Variants in KALRN observed in about 807,000 individuals in gnomAD.
KALRN encodes the protein kalirin RhoGEF kinase, also known as kalirin.
Under a neutral mutation model 353.7 loss-of-function variants are expected in KALRN, and 70 were observed. That is an observed-to-expected ratio of 0.20 (90% CI 0.16 to 0.24). The LOEUF is 0.24. Among genes scored for constraint, KALRN ranks in the 10% least tolerant of loss-of-function variants. The pLI, the probability that KALRN is intolerant of heterozygous loss-of-function variation, is 1.00. For synonymous variants in KALRN, 1,391 were observed against 1,434.8 expected (o/e 0.97, Z 0.69); for missense variants, 2,791 against 3,756.7 (o/e 0.74, Z 6.72).
At chr3:124,175,422 C>T (rs1316272315) in intron 1 of KALRN, among the ~76,000 whole-genome samples, 2 of 149,636 alleles carry the variant, frequency 1.3e-5, no homozygotes, top group African/African-American at 5.0e-5. Flanking sequence ...CGGAGATGCG[C>T]GCTGCCGAGG....
At chr3:124,496,226 C>A in intron 32 of KALRN, 85 bp from the exon 33 acceptor site, 1 of 972,586 alleles carries the variant, frequency 1.0e-6, no homozygotes. Flanking sequence ...CTGCTCTGCC[C>A]ACCCAACCGG....
chr3:124,215,266 A>G (rs539200961), intron 1 of KALRN, among the ~76,000 whole-genome samples: 2 of 152,144 alleles, frequency 1.3e-5, no homozygotes, highest in East Asian at 1.9e-4. Context: ...TAGTTGTAGT[A>G]CTCGCCGAAT....
intron 1 of KALRN, among the ~76,000 whole-genome samples, chr3:124,120,453 T>C (rs1001110124): frequency 6.6e-6 from 1 of 152,150 alleles, no homozygotes; most frequent in Non-Finnish European, 1.5e-5. Flanking sequence ...GCGAGCATGT[T>C]GAGGGGACTG....
At chr3:124,536,876 G>A (rs1291544353) in intron 33 of KALRN, among the ~76,000 whole-genome samples, 1 of 152,100 alleles carries the variant, frequency 6.6e-6, no homozygotes, top group Non-Finnish European at 1.5e-5. Flanking sequence ...ACTTGAGAAA[G>A]TTCAATTAAA....
intron 1 of KALRN, among the ~76,000 whole-genome samples, chr3:124,173,672 A>G (rs907569086): frequency 7.2e-5 from 11 of 152,044 alleles, no homozygotes; most frequent in Admixed American, 2.6e-4. Context: ...CTGGGGTGCA[A>G]TGGCGTGATC....
At chr3:124,353,376 C>T (rs905797995) in intron 10 of KALRN, among the ~76,000 whole-genome samples, 1 of 152,084 alleles carries the variant, frequency 6.6e-6, no homozygotes, top group African/African-American at 2.4e-5. Context: ...ATTTTCATTT[C>T]CCATCAAGTT....
chr3:124,454,812 G>T (rs1181802360), intron 21 of KALRN, among the ~76,000 whole-genome samples: 1 of 152,156 alleles, frequency 6.6e-6, no homozygotes, highest in East Asian at 1.9e-4. Context: ...GTAATTTAGA[G>T]ATGATTTGAA....
At chr3:124,384,706 C>T (rs1576477802) in intron 10 of KALRN, 139 bp from the exon 11 acceptor site, 2 of 769,352 alleles carry the variant, frequency 2.6e-6, no homozygotes, top group African/African-American at 1.8e-5. Flanking sequence ...GCCAGCTCCG[C>T]GCACCGCGCC....
intron 34 of KALRN, among the ~76,000 whole-genome samples, chr3:124,577,585 T>C (rs1194641370): frequency 1.3e-5 from 2 of 152,080 alleles, no homozygotes; most frequent in African/African-American, 4.8e-5. Flanking sequence ...ATTATACACT[T>C]TTGAAAAAAA....
chr3:124,560,367 G>T (rs1234967819), intron 33 of KALRN, among the ~76,000 whole-genome samples: 1 of 152,266 alleles, frequency 6.6e-6, no homozygotes, highest in Non-Finnish European at 1.5e-5. Flanking sequence ...CTCTACTGAG[G>T]TGCAGAAGCT....
At chr3:124,173,503 A>C (rs16835146) in intron 1 of KALRN, among the ~76,000 whole-genome samples, 3,230 of 152,254 alleles carry the variant, frequency 0.021, 108 homozygotes, top group African/African-American at 0.074. Context: ...AGAGTCAACA[A>C]ATCATTGTAT....
chr3:124,486,439 A>G (rs2062579798), intron 28 of KALRN, among the ~76,000 whole-genome samples: 1 of 152,166 alleles, frequency 6.6e-6, no homozygotes, highest in Non-Finnish European at 1.5e-5. Context: ...CACTTTCTGA[A>G]CAAGGGTGAC....
chr3:124,227,676 T>TG (rs2078699966), intron 1 of KALRN, among the ~76,000 whole-genome samples: 21 of 23,828 alleles, frequency 8.8e-4, no homozygotes, highest in African/African-American at 2.7e-3. Context: ...TTTTTTTTTT[T>TG]TTTTTTTTTT....
chr3:124,392,428 G>A (rs1426028002), intron 11 of KALRN, among the ~76,000 whole-genome samples: 2 of 152,056 alleles, frequency 1.3e-5, no homozygotes, highest in Non-Finnish European at 2.9e-5. Context: ...TGTGAGGAAA[G>A]CACTGTTATT....
chr3:124,313,392 C>A (rs528951011), intron 6 of KALRN, among the ~76,000 whole-genome samples: 3 of 152,354 alleles, frequency 2.0e-5, no homozygotes, highest in Admixed American at 1.3e-4. Flanking sequence ...CCCAGCCAGA[C>A]CTGTTCTTAT....
chr3:124,561,325 C>G (rs2071981339), intron 33 of KALRN, among the ~76,000 whole-genome samples: 1 of 152,176 alleles, frequency 6.6e-6, no homozygotes, highest in Non-Finnish European at 1.5e-5. Flanking sequence ...TTCTGTCCTG[C>G]AGATTTCCTG....
At chr3:124,039,922 G>A (rs1477961690) in intron 1 of KALRN, among the ~76,000 whole-genome samples, 1 of 152,150 alleles carries the variant, frequency 6.6e-6, no homozygotes, top group Admixed American at 6.5e-5. Flanking sequence ...GCCTTTGGGG[G>A]AGTATTGGGA....
intron 57 of KALRN, among the ~76,000 whole-genome samples, chr3:124,704,817 T>C (rs1439927934): frequency 1.3e-5 from 2 of 152,212 alleles, no homozygotes; most frequent in African/African-American, 2.4e-5. Context: ...CCCAAAGTAC[T>C]GGGATTACAG....
chr3:124,070,240 G>T (rs998551879), intron 1 of KALRN, among the ~76,000 whole-genome samples: 1 of 152,122 alleles, frequency 6.6e-6, no homozygotes, highest in Non-Finnish European at 1.5e-5. Context: ...CTGTGAAGTG[G>T]TGATGGCTGA....
Sources: allele counts gnomAD v4.1 joint callset (sites outside exome capture counted in the v4.1 genomes callset), GRCh38; gene constraint gnomAD v4.1.1; transcripts MANE v1.5; gene names NCBI Gene and HGNC (gene_info 2026-07-23, HGNC 2026-07-21).